The following CYFIP1 variants were observed in gnomAD, a reference collection of about 807,000 sequenced individuals.
The protein encoded by CYFIP1 is cytoplasmic FMR1 interacting protein 1, also known as cytoplasmic FMR1-interacting protein 1.
Under a neutral mutation model 163.5 loss-of-function variants are expected in CYFIP1, and 58 were observed. The ratio of observed to expected loss-of-function variants is 0.35; its 90% CI spans 0.29 to 0.44. The LOEUF (loss-of-function observed/expected upper bound fraction) is 0.44. Ranked by LOEUF, CYFIP1 falls within the 20% of genes least tolerant of loss-of-function variation. The pLI is 1.00. For missense variants in CYFIP1, 1,338 were observed against 1,653.8 expected, an observed-to-expected ratio of 0.81 and a Z score of 3.31; for synonymous variants, 663 against 660.7, an observed-to-expected ratio of 1.00 and a Z score of -0.05.
Position 22,947,264 on chromosome 15 carries a change from C to G in CYFIP1, c.22G>C (p.Glu8Gln), listed in dbSNP as rs1009571826. ...AGGTCCACGTTGGACAGCGCGTCCT[C>G]CAGAGTCACCTGGGCCGCCATCCTG... Reference protein sequence around the residue: MAAQVTLEDALSNVDLLE... With the variant: MAAQVTLQDALSNVDLLE... Residue 8 changes from glutamate to glutamine, a missense_variant, in exon 2 of 31, where the codon GAG (glutamate) becomes CAG (glutamine). Glu to Gln is a conservative substitution (Grantham distance 29). Transcript: ENST00000617928. 1 of 1,613,948 alleles carries G rather than the reference C, an allele frequency of 6.2e-7. No individual in the cohort carries two copies. Among genetic ancestry groups the G allele is most frequent in the East Asian group, 2.2e-5 (1 of 44,856 alleles).
At chr15:22,900,797 C>A (rs931630845) in intron 22 of CYFIP1, among the ~76,000 whole-genome samples, 1 of 152,034 alleles carries the variant, frequency 6.6e-6, no homozygotes. Context: ...CGCACCCACC[C>A]CAGCCTCAAA....
At position 22,978,301 on chromosome 15, in the gene CYFIP1, G is replaced by A. The variant is rs149226446; in HGVS notation, c.-7+1986C>T. ...CAGGAGGCATAGGTTGTGGCGAGCC[G>A]AGTTTGCGTCACTGCACTCCAGTCT... On this transcript the variant is annotated intron_variant, in intron 1 of 30. Coordinates refer to ENST00000617928, the MANE Select transcript of CYFIP1 (RefSeq NM_014608.6). Among the ~76,000 whole-genome samples, 343 of 133,564 alleles carry A rather than the reference G, an allele frequency of 2.6e-3. 1 individual carries two copies. The highest frequency in any genetic ancestry group is 4.3e-3 in the Non-Finnish European group (277 of 65,036). The allele number at this position is 133,564 out of a possible 152,430, so 87.6% of individuals were successfully genotyped here. A position where few individuals can be genotyped will look rare whatever the true frequency, so the allele number is the denominator to read the frequency against.
At chr15:22,934,583 T>G (rs1464511815) in intron 9 of CYFIP1, among the ~76,000 whole-genome samples, 1 of 123,270 alleles carries the variant, frequency 8.1e-6, no homozygotes, top group South Asian at 3.0e-4. Context: ...CTGCAACCTC[T>G]ACCTCCAGGG....
chr15:22,904,735 T>A (rs1006665948), intron 21 of CYFIP1: 4 of 152,166 alleles, frequency 2.6e-5, no homozygotes, highest in Non-Finnish European at 5.9e-5. Context: ...ATTTGGCCAA[T>A]GCCAACAGAA....
chr15:22,868,438 A>AATT lies in CYFIP1; in HGVS notation c.*1587_*1589dup, dbSNP rs1288560158. 3 of 152,076 alleles carry AATT rather than the reference A, an allele frequency of 2.0e-5. No homozygotes were observed. The highest frequency in any genetic ancestry group is 6.5e-5 in the Admixed American group (1 of 15,282). The allele number at this position is 152,076 out of a possible 1,614,324, so 9.4% of individuals were successfully genotyped here. A position where few individuals can be genotyped will look rare whatever the true frequency, so the allele number is the denominator to read the frequency against. ...CTAAGGTATTACATATTTGGTATAT[A>AATT]ATTAAGCCTTATAAAACTTGGTAAT... On this transcript the variant is annotated 3_prime_UTR_variant, in exon 31 of 31. Coordinates refer to ENST00000617928, the MANE Select transcript of CYFIP1 (RefSeq NM_014608.6).
intron 13 of CYFIP1, among the ~76,000 whole-genome samples, chr15:22,920,749 G>A (rs1284877200): frequency 2.0e-5 from 3 of 152,188 alleles, no homozygotes; most frequent in African/African-American, 2.4e-5. Flanking sequence ...CTGTGATGGC[G>A]CCGCAGGCAC....
intron 11 of CYFIP1, among the ~76,000 whole-genome samples, chr15:22,928,687 G>A (rs532141384): frequency 1.3e-5 from 2 of 152,216 alleles, no homozygotes; most frequent in Admixed American, 1.3e-4. Context: ...TGTGACCTAT[G>A]GGGAGGAAGG....
intron 8 of CYFIP1, among the ~76,000 whole-genome samples, chr15:22,938,416 G>A (rs900093394): frequency 2.0e-5 from 3 of 151,424 alleles, no homozygotes; most frequent in Non-Finnish European, 2.9e-5. Context: ...GTCAGCCAGG[G>A]CAACAAAGTG....
intron 1 of CYFIP1, among the ~76,000 whole-genome samples, chr15:22,958,623 G>T (rs947707352): frequency 2.0e-5 from 3 of 152,142 alleles, no homozygotes; most frequent in African/African-American, 4.8e-5. Context: ...TCTGGGAGGG[G>T]TCTCCCAAGA....
intron 23 of CYFIP1, among the ~76,000 whole-genome samples, chr15:22,891,777 A>G (rs2060090156): frequency 6.6e-6 from 1 of 152,246 alleles, no homozygotes; most frequent in South Asian, 2.1e-4. Flanking sequence ...AGACGCCCAA[A>G]GGACTGGAGT....
intron 9 of CYFIP1, among the ~76,000 whole-genome samples, chr15:22,935,411 C>T (rs559277269): frequency 1.4e-4 from 21 of 152,140 alleles, no homozygotes; most frequent in Admixed American, 1.0e-3. Context: ...TCCTACCACG[C>T]GCAGAAGTCA....
At chr15:22,922,743 C>T (rs1236618537) in intron 13 of CYFIP1, among the ~76,000 whole-genome samples, 1 of 152,128 alleles carries the variant, frequency 6.6e-6, no homozygotes, top group African/African-American at 2.4e-5. Flanking sequence ...TGTAATCCTA[C>T]CACTTTGGGA....
At chr15:22,937,584 A>G in intron 8 of CYFIP1, among the ~76,000 whole-genome samples, 1 of 151,394 alleles carries the variant, frequency 6.6e-6, no homozygotes, top group East Asian at 1.9e-4. Context: ...CGGTGTATGC[A>G]AACTAAAAAT....
At chr15:22,932,973 C>CAG (rs1264644774) in intron 10 of CYFIP1, among the ~76,000 whole-genome samples, 1 of 152,108 alleles carries the variant, frequency 6.6e-6, no homozygotes, top group Admixed American at 6.6e-5. Context: ...GCTGGGACTA[C>CAG]AGGCGTGTGC....
chr15:22,969,876 A>G (rs923364012), intron 1 of CYFIP1, among the ~76,000 whole-genome samples: 14 of 152,232 alleles, frequency 9.2e-5, no homozygotes, highest in African/African-American at 3.1e-4. Context: ...TTAGACAAGT[A>G]TTAGACAAAA....
chr15:22,924,281 G>A (rs571375716), intron 13 of CYFIP1, among the ~76,000 whole-genome samples: 76 of 152,148 alleles, frequency 5.0e-4, no homozygotes, highest in South Asian at 4.2e-4. Flanking sequence ...AAAATTAGCC[G>A]GGCGTGGTGG....
chr15:22,902,861 C>T (rs529762523), intron 22 of CYFIP1, among the ~76,000 whole-genome samples: 1 of 152,172 alleles, frequency 6.6e-6, no homozygotes, highest in Non-Finnish European at 1.5e-5. Context: ...AGGACTGGGC[C>T]GTGGGGCAGC....
chr15:22,954,368 C>T (rs11638949), intron 1 of CYFIP1, among the ~76,000 whole-genome samples: 6,591 of 152,254 alleles, frequency 0.043, 164 homozygotes, highest in Middle Eastern at 0.092. Flanking sequence ...ACAGGTAGGA[C>T]GGAGTCACCC....
intron 6 of CYFIP1, among the ~76,000 whole-genome samples, chr15:22,941,230 T>TG (rs1343557426): frequency 6.9e-6 from 1 of 144,706 alleles, no homozygotes; most frequent in Non-Finnish European, 1.5e-5. Context: ...TAGTTTTTTT[T>TG]GCTCTTGTTT....
Sources: allele counts gnomAD v4.1 joint callset (sites outside exome capture counted in the v4.1 genomes callset), GRCh38; gene constraint gnomAD v4.1.1; transcripts MANE v1.5; gene names NCBI Gene and HGNC (gene_info 2026-07-23, HGNC 2026-07-21).